Variants in NAV2 observed in about 807,000 individuals in gnomAD.
NAV2 encodes the protein helicase, APC down-regulated 1.
In NAV2, 54 loss-of-function variants were observed where a neutral mutation model predicts 223.2. The observed-to-expected ratio is 0.24, with a 90% CI of 0.19 to 0.30. The LOEUF (loss-of-function observed/expected upper bound fraction) is 0.30, where lower values mean the gene tolerates loss of function less well. Among genes scored for constraint, NAV2 ranks in the 10% least tolerant of loss-of-function variants. NAV2 has a pLI of 1.00. For synonymous variants in NAV2, 1,279 were observed against 1,239.3 expected (o/e 1.03, Z -0.67); for missense variants, 2,806 against 3,147.5 (o/e 0.89, Z 2.60).
upstream of NAV2, among the ~76,000 whole-genome samples, chr11:19,709,501 C>T (rs111986535): frequency 1.1e-3 from 141 of 131,344 alleles, 1 homozygote; most frequent in African/African-American, 4.0e-3. Flanking sequence ...GAGCCAATAT[C>T]GTGCCACTGC....
chr11:20,068,128 G>T (rs369026584), intron 20 of NAV2, 58 bp from the exon 21 acceptor site: 53 of 1,475,354 alleles, frequency 3.6e-5, no homozygotes, highest in Non-Finnish European at 4.7e-5. Flanking sequence ...CCGATGGGCT[G>T]GACTACACTA....
Position 19,777,104 on chromosome 11 carries a change from C to A in NAV2, c.268-55380C>A, listed in dbSNP as rs973891940. On this transcript the variant is annotated intron_variant, in intron 1 of 37. Coordinates refer to ENST00000349880, the MANE Select transcript of NAV2 (RefSeq NM_145117.5). ...CTCACCAGCCGCCGACCCCCCCCCCCACCCCGCCCTCGGCCGCCGCGGCCC... is the reference window on the plus strand; with the variant it reads ...CTCACCAGCCGCCGACCCCCCCCCCAACCCCGCCCTCGGCCGCCGCGGCCC... Among the ~76,000 whole-genome samples the A allele has an allele frequency of 1.1e-4, 16 of 144,166 alleles. 1 individual carries two copies. In the South Asian group the frequency reaches 1.3e-3, roughly 12 times the overall value. The allele number at this position is 144,166 out of a possible 152,430, so 94.6% of individuals were successfully genotyped here. A position where few individuals can be genotyped will look rare whatever the true frequency, so the allele number is the denominator to read the frequency against.
chr11:19,438,895 A>AT (rs61163656), intron 1 of NAV2, among the ~76,000 whole-genome samples: 41,360 of 148,868 alleles, frequency 0.28, 5,896 homozygotes, highest in East Asian at 0.54. Context: ...AAGTTTAGAG[A>AT]TTTTTTTTTT....
intron 1 of NAV2, among the ~76,000 whole-genome samples, chr11:19,423,534 A>T (rs948182288): frequency 6.6e-6 from 1 of 152,222 alleles, no homozygotes; most frequent in South Asian, 2.1e-4. Flanking sequence ...GAAACTTAGC[A>T]TCTTAAGTGG....
intron 1 of NAV2, among the ~76,000 whole-genome samples, chr11:19,389,530 T>C (rs1371688086): frequency 6.6e-6 from 1 of 152,214 alleles, no homozygotes; most frequent in African/African-American, 2.4e-5. Flanking sequence ...CAGATCCTTT[T>C]CCTTCTTTGA....
chr11:20,097,884 C>T, intron 31 of NAV2, 139 bp downstream of exon 31: 1 of 713,832 alleles, frequency 1.4e-6, no homozygotes, highest in Non-Finnish European at 2.2e-6. Flanking sequence ...CACAGTTACT[C>T]TATGCAAGTT....
chr11:19,472,135 T>C (rs755855489), intron 1 of NAV2, among the ~76,000 whole-genome samples: 8 of 152,238 alleles, frequency 5.3e-5, no homozygotes, highest in Non-Finnish European at 7.3e-5. Context: ...ATCTGTAGAA[T>C]GGGAGATTAG....
chr11:19,969,696 A>C (rs1013803526), intron 10 of NAV2, among the ~76,000 whole-genome samples: 1 of 152,200 alleles, frequency 6.6e-6, no homozygotes, highest in Non-Finnish European at 1.5e-5. Context: ...TAATCCCAGC[A>C]CTTTGGGAGG....
At chr11:20,072,230 C>G (rs2059449650) in intron 22 of NAV2, among the ~76,000 whole-genome samples, 1 of 152,118 alleles carries the variant, frequency 6.6e-6, no homozygotes, top group Admixed American at 6.6e-5. Context: ...TCAGGTTTGT[C>G]AAAGATCAGA....
At position 20,062,523 on chromosome 11, in the gene NAV2, A is replaced by G. The variant is rs572774775; in HGVS notation, c.4884+164A>G. 1.6e-4 allele frequency among the ~76,000 whole-genome samples: 25 copies of G among 152,350 alleles called. No homozygotes were observed. The South Asian group carries it at 5.0e-3, about 30-fold the overall frequency. The stretch of plus-strand genomic sequence containing the variant: ...ATTTAAAATTCACAAACAGCTATTA[A>G]TTATATTATACCAACCCCAAAATCC... On this transcript the variant is annotated intron_variant, in intron 20 of 37. Coordinates refer to ENST00000349880, the MANE Select transcript of NAV2 (RefSeq NM_145117.5).
chr11:19,483,082 G>A (rs1270697593), intron 1 of NAV2, among the ~76,000 whole-genome samples: 1 of 152,148 alleles, frequency 6.6e-6, no homozygotes, highest in African/African-American at 2.4e-5. Flanking sequence ...ACAGTGTTAA[G>A]TCCTTTAGTC....
At chr11:19,360,070 G>C (rs568939954) in intron 1 of NAV2, among the ~76,000 whole-genome samples, 1 of 152,276 alleles carries the variant, frequency 6.6e-6, no homozygotes. Context: ...GTTGTGCCTA[G>C]AAACTGACAA....
intron 1 of NAV2, among the ~76,000 whole-genome samples, chr11:19,593,680 G>A (rs909788310): frequency 1.3e-5 from 2 of 152,128 alleles, no homozygotes; most frequent in Non-Finnish European, 2.9e-5. Context: ...GAGTGATTCA[G>A]TGTCTCTACA....
intron 1 of NAV2, among the ~76,000 whole-genome samples, chr11:19,566,910 T>C (rs1331890002): frequency 6.6e-6 from 1 of 152,232 alleles, no homozygotes; most frequent in African/African-American, 2.4e-5. Flanking sequence ...AGAAAGAATC[T>C]TCCATATATT....
At chr11:20,010,848 C>G (rs982778612) in intron 11 of NAV2, among the ~76,000 whole-genome samples, 11 of 152,162 alleles carry the variant, frequency 7.2e-5, no homozygotes, top group African/African-American at 2.7e-4. Flanking sequence ...AGTACTGTAA[C>G]AGGCTTTCAT....
chr11:19,834,874 G>C (rs1414704091), intron 2 of NAV2, among the ~76,000 whole-genome samples: 1 of 152,168 alleles, frequency 6.6e-6, no homozygotes, highest in Non-Finnish European at 1.5e-5. Context: ...TCTTACAGCA[G>C]TCTTATGAAA....
intron 1 of NAV2, among the ~76,000 whole-genome samples, chr11:19,816,491 TG>T (rs1248372595): frequency 1.3e-5 from 2 of 152,262 alleles, no homozygotes; most frequent in African/African-American, 4.8e-5. Flanking sequence ...TGAGTACTTC[TG>T]CAAGTGTGCT....
At chr11:19,993,369 T>A (rs2051533007) in intron 11 of NAV2, among the ~76,000 whole-genome samples, 1 of 152,214 alleles carries the variant, frequency 6.6e-6, no homozygotes, top group Non-Finnish European at 1.5e-5. Context: ...ACACACAGTT[T>A]CTTAAAGCTT....
At chr11:20,091,155 T>C in intron 27 of NAV2, 137 bp downstream of exon 27, 1 of 782,734 alleles carries the variant, frequency 1.3e-6, no homozygotes, top group Admixed American at 2.7e-5. Context: ...CTCTTTTCAG[T>C]CCCTCCCACA....
Sources: gnomAD v4.1 joint callset for allele counts (sites outside exome capture counted in the v4.1 genomes callset) on GRCh38, gnomAD v4.1.1 for gene constraint, MANE v1.5 for transcripts, NCBI Gene and HGNC (gene_info 2026-07-23, HGNC 2026-07-21) for gene names.